NHSL2: variants seen among roughly 807,000 people sequenced by gnomAD.
NHSL2 encodes the protein NHS-like protein 2.
Under a neutral mutation model 53.4 loss-of-function variants are expected in NHSL2, and 27 were observed. The observed-to-expected ratio is 0.51, with a 90% CI of 0.37 to 0.70. The LOEUF (loss-of-function observed/expected upper bound fraction) is 0.70. Among genes scored for constraint, NHSL2 ranks in the 30% least tolerant of loss-of-function variants. The probability of loss-of-function intolerance (pLI) is 0.00; values close to 1 mark genes in which losing one functional copy is unlikely to be tolerated. For missense variants in NHSL2, 892 were observed against 980.1 expected (o/e 0.91, Z 1.20); for synonymous variants, 408 against 404.1 (o/e 1.01, Z -0.12).
chrX:71,962,433 T>C (rs1036538949), intron 1 of NHSL2, among the ~76,000 whole-genome samples: 2 of 111,596 alleles, frequency 1.8e-5, no homozygotes, highest in African/African-American at 6.5e-5. Flanking sequence ...TGTAGCCATC[T>C]GATCTTGGAC....
chrX:71,916,222 T>C (rs1328374835), intron 1 of NHSL2, among the ~76,000 whole-genome samples: 1 of 111,957 alleles, frequency 8.9e-6, no homozygotes, highest in Non-Finnish European at 1.9e-5. Flanking sequence ...TTTTCTGTTA[T>C]TCTAGTAGAG....
chrX:71,978,787 G>A (rs1247160274), intron 1 of NHSL2, among the ~76,000 whole-genome samples: 1 of 92,057 alleles, frequency 1.1e-5, no homozygotes, highest in Admixed American at 1.3e-4. Flanking sequence ...TATACTGTAA[G>A]TTTTAGGGTA....
intron 1 of NHSL2, among the ~76,000 whole-genome samples, chrX:72,047,702 C>T (rs2042312689): frequency 9.0e-6 from 1 of 111,703 alleles, no homozygotes; most frequent in African/African-American, 3.3e-5. Flanking sequence ...GAGTGCTGGG[C>T]TGGGTATAGA....
Position 71,925,230 on chromosome X carries a change from A to T in NHSL2, c.280+13863A>T, listed in dbSNP as rs763183245. 1.6e-4 allele frequency among the ~76,000 whole-genome samples: 18 copies of T among 111,775 alleles called. 1 individual carries two copies. Among genetic ancestry groups the T allele is most frequent in the Admixed American group, 1.3e-3 (14 of 10,567 alleles). ...CTAGATATTTTGCCTGCAATAGGAT[A>T]TACCAGTGCCAAATTGACAGTGGTG... On this transcript the variant is annotated intron_variant, in intron 1 of 7. Transcript: ENST00000633930.
At chrX:72,116,772 C>T (rs2042142264) in intron 1 of NHSL2, among the ~76,000 whole-genome samples, 1 of 79,060 alleles carries the variant, frequency 1.3e-5, no homozygotes, top group African/African-American at 3.4e-5. Flanking sequence ...ATGGCTGGCC[C>T]CAGTGAGGAC....
At position 71,919,601 on chromosome X, in the gene NHSL2, C is replaced by A. The variant is rs192711874; in HGVS notation, c.280+8234C>A. Among the ~76,000 whole-genome samples the A allele has an allele frequency of 1.2e-3, 132 of 111,778 alleles. 2 individuals carry two copies. The highest frequency in any genetic ancestry group is 3.3e-3 in the African/African-American group (100 of 30,753). ...AGCCGCATCTAGCCTTTGAGGCTGTCAGCTCATCTTTCCCAACCCGAGGAT... is the reference window on the plus strand; with the variant it reads ...AGCCGCATCTAGCCTTTGAGGCTGTAAGCTCATCTTTCCCAACCCGAGGAT... On this transcript the variant is annotated intron_variant, in intron 1 of 7. Transcript: ENST00000633930.
intron 1 of NHSL2, among the ~76,000 whole-genome samples, chrX:72,057,042 G>A (rs940372114): frequency 8.9e-6 from 1 of 112,415 alleles, no homozygotes; most frequent in Non-Finnish European, 1.9e-5. Flanking sequence ...GCTGGAGCAC[G>A]TTGGGTAGAT....
intron 1 of NHSL2, among the ~76,000 whole-genome samples, chrX:72,068,279 C>T (rs2042443404): frequency 8.9e-6 from 1 of 112,013 alleles, no homozygotes; most frequent in Non-Finnish European, 1.9e-5. Context: ...TGTGGTGATC[C>T]CACTTTAGAT....
At chrX:72,095,628 A>T (rs1028569196) in intron 1 of NHSL2, among the ~76,000 whole-genome samples, 1 of 112,092 alleles carries the variant, frequency 8.9e-6, no homozygotes, top group Non-Finnish European at 1.9e-5. Flanking sequence ...GCCTGAGTAA[A>T]GTAGCCCCTT....
intron 1 of NHSL2, among the ~76,000 whole-genome samples, chrX:71,932,205 A>G (rs1372174195): frequency 2.7e-5 from 3 of 111,255 alleles, no homozygotes; most frequent in African/African-American, 9.8e-5. Flanking sequence ...ATAATTAGGA[A>G]GGTGCCTGAG....
intron 2 of NHSL2, chrX:72,133,590 G>A (rs2042327777): frequency 8.9e-6 from 1 of 112,184 alleles, no homozygotes; most frequent in Admixed American, 9.4e-5. Flanking sequence ...CTTACAGCGG[G>A]ACTAAGGTGC....
intron 1 of NHSL2, among the ~76,000 whole-genome samples, chrX:72,110,643 G>A (rs780258357): frequency 4.8e-5 from 5 of 105,017 alleles, no homozygotes; most frequent in Admixed American, 1.1e-4. Context: ...CCAGCAACAG[G>A]GAGTTGGTTT....
At chrX:72,129,129 G>C (rs2042256890) in intron 1 of NHSL2, 1 of 112,836 alleles carries the variant, frequency 8.9e-6, no homozygotes, top group South Asian at 3.6e-4. Flanking sequence ...TCTGTGCAAA[G>C]GTAAACTCAA....
At chrX:72,121,875 G>A (rs1306178564) in intron 1 of NHSL2, among the ~76,000 whole-genome samples, 2 of 111,813 alleles carry the variant, frequency 1.8e-5, no homozygotes, top group African/African-American at 3.3e-5. Flanking sequence ...TAGTGTTAGC[G>A]GTATCTGTGA....
chrX:71,955,564 G>T (rs763776605), intron 1 of NHSL2, among the ~76,000 whole-genome samples: 4 of 110,618 alleles, frequency 3.6e-5, no homozygotes, highest in African/African-American at 1.3e-4. Flanking sequence ...GGGCAGAGAA[G>T]TGCTTAGGCA....
chrX:71,994,298 CTGTGTGTGTGTG>C lies in NHSL2; in HGVS notation c.280+82951_280+82962del, dbSNP rs10673341. ...GAGAGATCCCTGAGGGAGGCTCCCTCTGTGTGTGTGTGTGTGTGTGTGTGTGTGTGTAAAAGT... is the reference window on the plus strand; with the variant it reads ...GAGAGATCCCTGAGGGAGGCTCCCTCTGTGTGTGTGTGTGTGTGTAAAAGT... On this transcript the variant is annotated intron_variant, in intron 1 of 7. Transcript: ENST00000633930. Among the ~76,000 whole-genome samples the C allele has an allele frequency of 4.4e-5, 4 of 90,080 alleles. No homozygotes were observed. In the East Asian group the frequency reaches 1.4e-3, roughly 32 times the overall value. The allele number at this position is 90,080 out of a possible 115,157, so 78.2% of individuals were successfully genotyped here. A position where few individuals can be genotyped will look rare whatever the true frequency, so the allele number is the denominator to read the frequency against.
At chrX:72,130,759 A>G (rs1355918322) in intron 1 of NHSL2, 11 of 1,210,304 alleles carry the variant, frequency 9.1e-6, no homozygotes, top group Non-Finnish European at 1.2e-5. Flanking sequence ...GAATTGGGCC[A>G]GGAACTGAAA....
At position 72,052,768 on chromosome X, in the gene NHSL2, A is replaced by G. The variant is rs185676495; in HGVS notation, c.281-79311A>G. On this transcript the variant is annotated intron_variant, in intron 1 of 7. Transcript: ENST00000633930. ...GAAGACCCCCTCCAGGTTGCAAATG[A>G]AAAGGGTAGGTGGGGGCCTCTCCTG... 2.2e-3 allele frequency among the ~76,000 whole-genome samples: 244 copies of G among 111,647 alleles called. 1 individual carries two copies. Among genetic ancestry groups the G allele is most frequent in the African/African-American group, 7.5e-3 (230 of 30,712 alleles).
intron 1 of NHSL2, among the ~76,000 whole-genome samples, chrX:71,979,240 T>C (rs1386090239): frequency 9.0e-6 from 1 of 110,930 alleles, no homozygotes; most frequent in Non-Finnish European, 1.9e-5. Flanking sequence ...TGTGTGTTTA[T>C]AGCAGCATGA....
Sources: allele counts gnomAD v4.1 joint callset (sites outside exome capture counted in the v4.1 genomes callset), GRCh38; gene constraint gnomAD v4.1.1; transcripts MANE v1.5; gene names NCBI Gene and HGNC (gene_info 2026-07-23, HGNC 2026-07-21).